Variants in RPAP3 observed in about 807,000 individuals in gnomAD.
The protein encoded by RPAP3 is RNA polymerase II associated protein 3.
In RPAP3, 58 loss-of-function variants were observed where a neutral mutation model predicts 88.8. The observed-to-expected ratio is 0.65, with a 90% CI of 0.53 to 0.81. The LOEUF is 0.81. RPAP3 is among the 40% of genes least tolerant of loss of function. RPAP3 has a pLI of 0.00. For missense variants in RPAP3, 751 were observed against 764.3 expected, an observed-to-expected ratio of 0.98 and a Z score of 0.20; for synonymous variants, 255 against 259.9, an observed-to-expected ratio of 0.98 and a Z score of 0.18.
intron 5 of RPAP3, among the ~76,000 whole-genome samples, chr12:47,693,063 T>C (rs1167519135): frequency 6.6e-6 from 1 of 152,152 alleles, no homozygotes; most frequent in African/African-American, 2.4e-5. Flanking sequence ...GTATTTTTAG[T>C]AGAGACAGGG....
intron 5 of RPAP3, among the ~76,000 whole-genome samples, chr12:47,693,831 A>G (rs1376725580): frequency 2.6e-5 from 4 of 152,250 alleles, no homozygotes; most frequent in Admixed American, 6.5e-5. Flanking sequence ...AAGTTTAGTA[A>G]GGTGACTACG....
intron 3 of RPAP3, among the ~76,000 whole-genome samples, chr12:47,698,596 C>T (rs952172441): frequency 2.0e-5 from 3 of 152,110 alleles, no homozygotes; most frequent in Admixed American, 2.0e-4. Flanking sequence ...TTACTGCAAC[C>T]TCCATCTCCC....
At position 47,670,109 on chromosome 12, in the gene RPAP3, C is replaced by T. The variant is rs1235374800; in HGVS notation, c.1524G>A (p.Leu508=). 1 of 1,564,218 alleles carries T rather than the reference C, an allele frequency of 6.4e-7. No homozygotes were observed. Among genetic ancestry groups the T allele is most frequent in the Non-Finnish European group, 8.8e-7 (1 of 1,134,796 alleles). Residue 508 remains leucine (L), a splice_region_variant and synonymous_variant, in exon 13 of 17, where the codon CTG becomes CTA. Coordinates refer to ENST00000005386, the MANE Select transcript of RPAP3 (RefSeq NM_024604.3). ...CAAATAACAGTATTTCTACTCACTG[C>T]AGGGATGAAGTATCACTGACTTCTT... ...KIEEVSDTSS[L]QPQASLKQDV... is the part of the protein sequence containing the mutation.
In RPAP3 at chr12:47,662,688, T is replaced by A. The variant is rs949455916; in HGVS notation, c.*817A>T. 1 of 152,204 alleles carries A rather than the reference T, an allele frequency of 6.6e-6. No homozygotes were observed. The highest frequency in any genetic ancestry group is 1.5e-5 in the Non-Finnish European group (1 of 68,036). The allele number at this position is 152,204 out of a possible 1,614,324, so 9.4% of individuals were successfully genotyped here. On this transcript the variant is annotated 3_prime_UTR_variant, in exon 17 of 17. Coordinates refer to ENST00000005386, the MANE Select transcript of RPAP3 (RefSeq NM_024604.3). ...TTCAATTAAATTTTATAAGTATCAG[T>A]TGAGCACCTAACTATGTGCAAACGT...
At chr12:47,670,783 G>A (rs1337443970) in intron 12 of RPAP3, among the ~76,000 whole-genome samples, 1 of 152,210 alleles carries the variant, frequency 6.6e-6, no homozygotes, top group Non-Finnish European at 1.5e-5. Flanking sequence ...CTCAAAGGCA[G>A]TTTGAAGACA....
At position 47,669,070 on chromosome 12, in the gene RPAP3, T is replaced by C; in HGVS notation, c.1559A>G (p.Gln520Arg). 6.2e-7 allele frequency: 1 copy of C among 1,613,906 alleles called. No homozygotes were observed. Among genetic ancestry groups the C allele is most frequent in the South Asian group, 1.1e-5 (1 of 91,064 alleles). The change falls in exon 14 of 17, where the codon CAG becomes CGG. Residue 520 changes from glutamine to arginine, a missense_variant. Coordinates refer to ENST00000005386, the MANE Select transcript of RPAP3 (RefSeq NM_024604.3). ...PQASLKQDVC[Q>R]SYSEKMPIEI... ...TATGGGCATTTTCTCGCTGTAAGAC[T>C]GACATACATCCTGCTTCAAACTGGC...
At position 47,662,317 on chromosome 12, in the gene RPAP3, CAA is replaced by C. The variant is rs1394137334; in HGVS notation, c.*1186_*1187del. ...AATAAACAAAGTTAATAAACTCTATCAAGTGTATTTTAAAGCATTCAAACTAT... is the reference window on the plus strand; with the variant it reads ...AATAAACAAAGTTAATAAACTCTATCGTGTATTTTAAAGCATTCAAACTAT... On this transcript the variant is annotated 3_prime_UTR_variant, in exon 17 of 17. Transcript: ENST00000005386. 6.6e-6 allele frequency: 1 copy of C among 152,168 alleles called. No homozygotes were observed. Among genetic ancestry groups the C allele is most frequent in the Non-Finnish European group, 1.5e-5 (1 of 68,034 alleles). The allele number at this position is 152,168 out of a possible 1,614,324, so 9.4% of individuals were successfully genotyped here. A position where few individuals can be genotyped will look rare whatever the true frequency, so the allele number is the denominator to read the frequency against.
At position 47,678,069 on chromosome 12, in the gene RPAP3, G is replaced by C. The variant is rs1199092394; in HGVS notation, c.1287+1424C>G. Among the ~76,000 whole-genome samples, 4 of 152,248 alleles carry C rather than the reference G, an allele frequency of 2.6e-5. No individual in the cohort carries two copies. The East Asian group carries it at 7.7e-4, about 29-fold the overall frequency. ...AACAGAGATATAGACCAATGGAACA[G>C]AACAGAGGCCTCAGAAATAACACCA... On this transcript the variant is annotated intron_variant, in intron 12 of 16. Transcript: ENST00000005386.
Position 47,679,699 on chromosome 12 carries a change from A to G in RPAP3, c.1185+5T>C. Reference sequence around the variant, plus strand: ...GACCATGTTTGGGTGAAAAGAATACATTACCTTTTTAATTTTGGAGAGTTC... The same window carrying G: ...GACCATGTTTGGGTGAAAAGAATACGTTACCTTTTTAATTTTGGAGAGTTC... On this transcript the variant is annotated splice_donor_5th_base_variant and intron_variant, in intron 11 of 16. Transcript: ENST00000005386. 1 of 1,595,772 alleles carries G rather than the reference A, an allele frequency of 6.3e-7. No homozygotes were observed. The highest frequency in any genetic ancestry group is 1.7e-4 in the Middle Eastern group (1 of 5,998).
intron 2 of RPAP3, among the ~76,000 whole-genome samples, chr12:47,702,255 C>A (rs1178446767): frequency 6.6e-6 from 1 of 152,076 alleles, no homozygotes; most frequent in African/African-American, 2.4e-5. Context: ...TCTAAAAACA[C>A]TGACAGTGGG....
chr12:47,666,578 C>T (rs774222005), intron 16 of RPAP3, among the ~76,000 whole-genome samples: 1 of 152,142 alleles, frequency 6.6e-6, no homozygotes, highest in Non-Finnish European at 1.5e-5. Flanking sequence ...TACATAGTAA[C>T]AGTAGGAACT....
chr12:47,679,522 T>C lies in RPAP3; in HGVS notation c.1258A>G (p.Ile420Val), dbSNP rs375056834. The stretch of plus-strand genomic sequence containing the variant: ...GATCCAGGATGCGGTGGATTATCAA[T>C]GGGTTTTACCACATTTTGTCTTTGT... ...STQRQNVVKP[I>V]DNPPHPGSTK... is the part of the protein sequence containing the mutation. The change falls in exon 12 of 17, where the codon ATT (isoleucine) becomes GTT (valine). Residue 420 changes from isoleucine (I) to valine (V), a missense_variant. Transcript: ENST00000005386. 3.1e-6 allele frequency: 5 copies of C among 1,604,786 alleles called. No individual in the cohort carries two copies. Among genetic ancestry groups the C allele is most frequent in the Non-Finnish European group, 4.3e-6 (5 of 1,174,504 alleles).
intron 14 of RPAP3, 23 bp downstream of exon 14, chr12:47,668,893 A>G: frequency 6.4e-7 from 1 of 1,571,740 alleles, no homozygotes; most frequent in Admixed American, 1.7e-5. Context: ...TTACAACAGA[A>G]GTACTACCTT....
Position 47,690,476 on chromosome 12 carries a change from T to G in RPAP3, c.667+42A>C, listed in dbSNP as rs753572708. The G allele has an allele frequency of 7.2e-6, 11 of 1,526,480 alleles. No individual in the cohort carries two copies. The South Asian group carries it at 1.4e-4, about 20-fold the overall frequency. The allele number at this position is 1,526,480 out of a possible 1,614,324, so 94.6% of individuals were successfully genotyped here. On this transcript the variant is annotated intron_variant, in intron 6 of 16. Transcript: ENST00000005386. The stretch of plus-strand genomic sequence containing the variant: ...TATTCTCCATATAGCATCTGTGAGA[T>G]AACACTGTTAAAGAATTCTTTAGAG...
At chr12:47,696,429 C>A in intron 4 of RPAP3, 26 bp from the exon 5 acceptor site, 1 of 1,511,314 alleles carries the variant, frequency 6.6e-7, no homozygotes, top group South Asian at 1.3e-5. Context: ...ATAAAATGAT[C>A]TTTTTTACAA....
chr12:47,698,182 A>C (rs1268733382), intron 3 of RPAP3, among the ~76,000 whole-genome samples: 1 of 152,230 alleles, frequency 6.6e-6, no homozygotes, highest in Non-Finnish European at 1.5e-5. Context: ...CCTAATCTTC[A>C]CAATAACCTA....
chr12:47,687,719 G>C (rs991335871), intron 8 of RPAP3, among the ~76,000 whole-genome samples, 157 bp downstream of exon 8: 1 of 151,924 alleles, frequency 6.6e-6, no homozygotes, highest in Non-Finnish European at 1.5e-5. Flanking sequence ...CCCAAATTTT[G>C]AATTAGTAGG....
rs556866103 is a variant in RPAP3 at position 47,702,552 on chromosome 12, C to CA, written c.153+135dup. 2,857 of 738,962 alleles carry CA rather than the reference C, an allele frequency of 3.9e-3. 11 individuals are homozygous for CA. The highest frequency in any genetic ancestry group is 0.017 in the African/African-American group (951 of 54,616). The allele number at this position is 738,962 out of a possible 1,614,324, so 45.8% of individuals were successfully genotyped here. On this transcript the variant is annotated intron_variant, in intron 2 of 16. Transcript: ENST00000005386. ...CTGGTGACAGAGCAAGACTCCATCA[C>CA]AAAAAAAAAGAAAAGAAAATTGACA... is the stretch of plus-strand genomic sequence containing the variant.
intron 15 of RPAP3, 80 bp downstream of exon 15, chr12:47,667,673 TA>T: frequency 1.4e-6 from 1 of 717,400 alleles, no homozygotes; most frequent in Non-Finnish European, 2.3e-6. Context: ...TTAATCATTT[TA>T]ATTAAAATTG....
Sources: allele counts gnomAD v4.1 joint callset (sites outside exome capture counted in the v4.1 genomes callset), GRCh38; gene constraint gnomAD v4.1.1; transcripts MANE v1.5; gene names NCBI Gene and HGNC (gene_info 2026-07-23, HGNC 2026-07-21).